The following ADGRD1 variants were observed in gnomAD, a reference collection of about 807,000 sequenced individuals.
ADGRD1 encodes the protein adhesion G protein-coupled receptor D1, also known as G-protein coupled receptor 133.
ADGRD1 carries 77 observed loss-of-function variants against 113.4 expected under a neutral mutation model. The ratio of observed to expected loss-of-function variants is 0.68; its 90% CI spans 0.57 to 0.82. ADGRD1 has a LOEUF of 0.82. Among genes scored for constraint, ADGRD1 ranks in the 40% least tolerant of loss-of-function variants. The pLI, the probability that ADGRD1 is intolerant of heterozygous loss-of-function variation, is 0.00. For synonymous variants in ADGRD1, 474 were observed against 475.0 expected (o/e 1.00, Z 0.03); for missense variants, 1,036 against 1,139.1 (o/e 0.91, Z 1.30).
In ADGRD1 at chr12:131,140,784, G is replaced by C. The variant is rs1298527559; in HGVS notation, c.*1521G>C. On this transcript the variant is annotated 3_prime_UTR_variant, in exon 25 of 25. Transcript: ENST00000261654. ...CTCCTGCATGGGGAGGGTAGGCAGG[G>C]AGCAGCATGTCTGCAGGGGTGAACC... 5 of 152,258 alleles carry C rather than the reference G, an allele frequency of 3.3e-5. No homozygotes were observed. Among genetic ancestry groups the C allele is most frequent in the Non-Finnish European group, 7.3e-5 (5 of 68,080 alleles). The allele number at this position is 152,258 out of a possible 1,614,324, so 9.4% of individuals were successfully genotyped here.
At position 130,955,123 on chromosome 12, in the gene ADGRD1, C is replaced by CTTTTTTTTTTTTTTTTTTTTT. The variant is rs71451389; in HGVS notation, c.103+476_103+477insTTTTTTTTTTTTTTTTTTTTT. ...CACAGGTGTGCACCACTACACCCAG[C>CTTTTTTTTTTTTTTTTTTTTT]TTTTTTTTTTTTTGTATTTTTAGTA... On this transcript the variant is annotated intron_variant, in intron 2 of 24. Coordinates refer to ENST00000261654, the MANE Select transcript of ADGRD1 (RefSeq NM_198827.5). 6.9e-4 allele frequency among the ~76,000 whole-genome samples: 69 copies of CTTTTTTTTTTTTTTTTTTTTT among 99,664 alleles called. 4 individuals are homozygous for CTTTTTTTTTTTTTTTTTTTTT. Among genetic ancestry groups the CTTTTTTTTTTTTTTTTTTTTT allele is most frequent in the African/African-American group, 1.3e-3 (31 of 23,116 alleles). The allele number at this position is 99,664 out of a possible 152,430, so 65.4% of individuals were successfully genotyped here.
At chr12:131,068,605 T>C (rs12822649) in intron 13 of ADGRD1, among the ~76,000 whole-genome samples, 19,081 of 152,192 alleles carry the variant, frequency 0.13, 1,470 homozygotes, top group African/African-American at 0.22. Flanking sequence ...AACCACAGCA[T>C]ATCTGCTTCT....
In ADGRD1 at chr12:131,104,837, C is replaced by G. The variant is rs371989819; in HGVS notation, c.1678C>G (p.Arg560Gly). 45 of 1,547,132 alleles carry G rather than the reference C, an allele frequency of 2.9e-5. No individual in the cohort carries two copies. Among genetic ancestry groups the G allele is most frequent in the Non-Finnish European group, 2.1e-5 (24 of 1,146,590 alleles). Reference sequence around the variant, plus strand: ...TCTGCTCTGCTCCCCGCAGCTTGCACGCGGACACCAGGTGGCGCTGTCGTC... The same window carrying G: ...TCTGCTCTGCTCCCCGCAGCTTGCAGGCGGACACCAGGTGGCGCTGTCGTC... Reference protein sequence around the residue: ...LMQVVPLELARGHQVALSSIS... With the variant: ...LMQVVPLELAGGHQVALSSIS... Residue 560 changes from arginine to glycine, a missense_variant, in exon 16 of 25, where the codon CGC becomes GGC. By Grantham distance (125) the Arg-to-Gly change is moderately radical. Transcript: ENST00000261654.
At position 131,075,882 on chromosome 12, in the gene ADGRD1, G is replaced by A. The variant is rs1029904550; in HGVS notation, c.1474-919G>A. 4.6e-5 allele frequency among the ~76,000 whole-genome samples: 7 copies of A among 152,172 alleles called. No individual in the cohort carries two copies. Among genetic ancestry groups the A allele is most frequent in the African/African-American group, 9.7e-5 (4 of 41,430 alleles). ...TGGGTCACAGAACAGAGCAGGCATC[G>A]GACAAATAAGAGATGCTTGACTTGA... On this transcript the variant is annotated intron_variant, in intron 13 of 24. Coordinates refer to ENST00000261654, the MANE Select transcript of ADGRD1 (RefSeq NM_198827.5). The surrounding 1 kb of genome is among the most constrained non-coding windows in gnomAD (Gnocchi z 5.3).
At chr12:130,996,636 A>G (rs865808004) in intron 8 of ADGRD1, among the ~76,000 whole-genome samples, 4,567 of 52,060 alleles carry the variant, frequency 0.088, 40 homozygotes, top group Non-Finnish European at 0.1. Context: ...CTCCCGGACG[A>G]GGCGGCTGGC....
Position 131,005,989 on chromosome 12 carries a change from G to T in ADGRD1, c.1273G>T (p.Gly425Cys). The change falls in exon 12 of 25, where the codon GGT (glycine) becomes TGT (cysteine). Residue 425 changes from glycine to cysteine, a missense_variant. Gly to Cys is a radical substitution (Grantham distance 159). Coordinates refer to ENST00000261654, the MANE Select transcript of ADGRD1 (RefSeq NM_198827.5). ...FHRHAWSTVV[G>C]LLYHSMHYYL... ...CTCTGCAGCCTGGAGCACCGTCGTG[G>T]GTCTGCTGTACCACAGCATGCACTA... 1 of 1,611,848 alleles carries T rather than the reference G, an allele frequency of 6.2e-7. No individual in the cohort carries two copies.
intron 20 of ADGRD1, among the ~76,000 whole-genome samples, chr12:131,129,128 T>C: frequency 7.3e-6 from 1 of 136,980 alleles, no homozygotes; most frequent in East Asian, 2.3e-4. Flanking sequence ...GGCCCTGCTG[T>C]CTGGGTGTGA....
intron 13 of ADGRD1, among the ~76,000 whole-genome samples, chr12:131,021,983 T>C (rs1366979776): frequency 1.3e-5 from 2 of 152,136 alleles, no homozygotes; most frequent in South Asian, 2.1e-4. Flanking sequence ...GGATTACAGG[T>C]ATGAGCCACC....
chr12:131,105,099 T>A (rs1194875101), intron 16 of ADGRD1, among the ~76,000 whole-genome samples, 165 bp downstream of exon 16: 2 of 152,130 alleles, frequency 1.3e-5, no homozygotes, highest in East Asian at 3.9e-4. Context: ...GGAATTCTGG[T>A]GGAACCCGAG....
At chr12:131,042,037 C>T (rs1025294508) in intron 13 of ADGRD1, among the ~76,000 whole-genome samples, 5 of 152,212 alleles carry the variant, frequency 3.3e-5, no homozygotes, top group South Asian at 2.1e-4. Context: ...ATTTTATTAT[C>T]GGCTGCGCCC....
intron 3 of ADGRD1, chr12:130,969,335 G>A: frequency 2.4e-6 from 1 of 416,000 alleles, no homozygotes; most frequent in Non-Finnish European, 4.3e-6. Flanking sequence ...TAGGAACTGG[G>A]CTGCACAGCA....
intron 4 of ADGRD1, among the ~76,000 whole-genome samples, chr12:130,972,017 T>C (rs1871722416): frequency 6.6e-6 from 1 of 152,178 alleles, no homozygotes; most frequent in African/African-American, 2.4e-5. Flanking sequence ...GTTTTGGTTC[T>C]TTTACATTCA....
intron 2 of ADGRD1, chr12:130,962,028 C>T (rs1268142334): frequency 1.3e-5 from 2 of 152,370 alleles, no homozygotes; most frequent in African/African-American, 4.8e-5. Context: ...CCAGCATCTG[C>T]TCTGATGAGT....
chr12:131,072,225 C>T (rs886320286), intron 13 of ADGRD1, among the ~76,000 whole-genome samples: 2 of 152,098 alleles, frequency 1.3e-5, no homozygotes, highest in Non-Finnish European at 2.9e-5. Flanking sequence ...GCAGAGGAGA[C>T]AGGGACTTGG....
chr12:131,082,948 G>A (rs1886177939), intron 14 of ADGRD1, among the ~76,000 whole-genome samples: 1 of 152,190 alleles, frequency 6.6e-6, no homozygotes. Flanking sequence ...ATGTCGGAAA[G>A]ACCGTCCCAA....
intron 10 of ADGRD1, 78 bp from the exon 11 acceptor site, chr12:131,004,108 G>C: frequency 1.2e-6 from 1 of 846,874 alleles, no homozygotes; most frequent in Non-Finnish European, 2.0e-6. Flanking sequence ...AAGAAAAGCA[G>C]ACGGGGTTTT....
At position 131,050,376 on chromosome 12, in the gene ADGRD1, G is replaced by A. The variant is rs1194492725; in HGVS notation, c.1474-26425G>A. On this transcript the variant is annotated intron_variant, in intron 13 of 24. Transcript: ENST00000261654. This position sits in a 1 kb window ranked among gnomAD's most constrained non-coding sequence, Gnocchi z 4.8. ...TAGCCCAAATTTCCCAAGATCACGAGCCACTCGTGTGTTGCCCTGTGTGTT... is the reference window on the plus strand; with the variant it reads ...TAGCCCAAATTTCCCAAGATCACGAACCACTCGTGTGTTGCCCTGTGTGTT... Among the ~76,000 whole-genome samples the A allele has an allele frequency of 6.6e-6, 1 of 152,124 alleles. No homozygotes were observed. Among genetic ancestry groups the A allele is most frequent in the Admixed American group, 6.5e-5 (1 of 15,280 alleles).
chr12:131,128,467 C>T (rs372246185), intron 20 of ADGRD1, among the ~76,000 whole-genome samples: 7 of 152,176 alleles, frequency 4.6e-5, no homozygotes, highest in East Asian at 1.9e-4. Context: ...GACACTGCTC[C>T]GTCATTCACA....
intron 20 of ADGRD1, among the ~76,000 whole-genome samples, chr12:131,128,830 G>A (rs1176007123): frequency 7.9e-5 from 12 of 152,104 alleles, no homozygotes; most frequent in Non-Finnish European, 1.8e-4. Context: ...AGTGGGTGTG[G>A]GCAGCAGCCC....
Sources: allele counts gnomAD v4.1 joint callset (sites outside exome capture counted in the v4.1 genomes callset), GRCh38; gene constraint gnomAD v4.1.1; non-coding constraint Gnocchi (gnomAD v3.1); transcripts MANE v1.5; gene names NCBI Gene and HGNC (gene_info 2026-07-23, HGNC 2026-07-21).